Variants in SLC24A4 observed in about 807,000 individuals in gnomAD.
The protein encoded by SLC24A4 is solute carrier family 24 member 4, also known as sodium/potassium/calcium exchanger 4.
SLC24A4 carries 53 observed loss-of-function variants against 79.0 expected under a neutral mutation model. That is an observed-to-expected ratio of 0.67 (90% confidence interval 0.54 to 0.84). The LOEUF is 0.84. Among genes scored for constraint, SLC24A4 ranks in the 40% least tolerant of loss-of-function variants. The probability of loss-of-function intolerance (pLI) is 0.00; values close to 1 mark genes in which losing one functional copy is unlikely to be tolerated. For synonymous variants in SLC24A4, 323 were observed against 323.8 expected, an observed-to-expected ratio of 1.00 and a Z score of 0.03; for missense variants, 731 against 822.0, an observed-to-expected ratio of 0.89 and a Z score of 1.35.
At chr14:92,484,153 C>A (rs1243490934) in intron 13 of SLC24A4, 3 of 985,162 alleles carry the variant, frequency 3.0e-6, no homozygotes, top group African/African-American at 1.7e-5. Flanking sequence ...TCTCTTCCCT[C>A]CCCCCAACCC....
rs568456721 is a variant in SLC24A4 at position 92,470,572 on chromosome 14, AGAAATCTGAGAGCTTAGTGAAAGGAAT to A, written c.1256-12105_1256-12079del. ...AAATTGTAATTTTCTACTTCAAAAG[AGAAATCTGAGAGCTTAGTGAAAGGAAT>A]GACGGCAGCCCTCCGTTCTCTTGTT... On this transcript the variant is annotated intron_variant, in intron 12 of 16. Coordinates refer to ENST00000532405, the MANE Select transcript of SLC24A4 (RefSeq NM_153646.4). Among the ~76,000 whole-genome samples, 1,332 of 152,268 alleles carry A rather than the reference AGAAATCTGAGAGCTTAGTGAAAGGAAT, an allele frequency of 8.7e-3. 13 individuals are homozygous for A. The highest frequency in any genetic ancestry group is 9.2e-3 in the Non-Finnish European group (628 of 68,036).
intron 12 of SLC24A4, among the ~76,000 whole-genome samples, chr14:92,478,968 G>A (rs1002330407): frequency 4.6e-5 from 7 of 151,954 alleles, no homozygotes; most frequent in South Asian, 4.2e-4. Context: ...CATTGTACAT[G>A]GAATTGTTTT....
intron 12 of SLC24A4, among the ~76,000 whole-genome samples, chr14:92,479,548 A>G (rs569459282): frequency 2.6e-5 from 4 of 152,356 alleles, no homozygotes; most frequent in African/African-American, 9.6e-5. Context: ...CATTCCTGGG[A>G]TAAATCCCAC....
At chr14:92,492,666 C>T (rs905122009) in intron 16 of SLC24A4, among the ~76,000 whole-genome samples, 7 of 152,106 alleles carry the variant, frequency 4.6e-5, no homozygotes, top group African/African-American at 1.7e-4. Flanking sequence ...TTTATTCTAT[C>T]CTTACAACCA....
At chr14:92,474,823 A>AGTGTGTGTG (rs1555374561) in intron 12 of SLC24A4, among the ~76,000 whole-genome samples, 9 of 8,886 alleles carry the variant, frequency 1.0e-3, no homozygotes, top group Non-Finnish European at 3.9e-3. Context: ...ATATATATAC[A>AGTGTGTGTG]TATATATGTG....
chr14:92,366,661 G>A (rs190794653), intron 2 of SLC24A4, among the ~76,000 whole-genome samples: 1 of 152,302 alleles, frequency 6.6e-6, no homozygotes, highest in East Asian at 1.9e-4. Context: ...AATGGGGCCA[G>A]AACCACTTTG....
chr14:92,488,268 C>T (rs528514021), intron 14 of SLC24A4, among the ~76,000 whole-genome samples: 175 of 152,182 alleles, frequency 1.1e-3, no homozygotes, highest in Non-Finnish European at 2.1e-3. Flanking sequence ...GACAAGGTTT[C>T]ACCATGTTGG....
At chr14:92,364,011 G>C (rs1291563467) in intron 2 of SLC24A4, among the ~76,000 whole-genome samples, 1 of 152,088 alleles carries the variant, frequency 6.6e-6, no homozygotes, top group African/African-American at 2.4e-5. Context: ...CATCTCGTCT[G>C]TCCTGGTATC....
chr14:92,361,919 A>ATCTCG (rs1887554066), intron 2 of SLC24A4, among the ~76,000 whole-genome samples: 1 of 152,134 alleles, frequency 6.6e-6, no homozygotes, highest in Non-Finnish European at 1.5e-5. Context: ...ATGGCATCTC[A>ATCTCG]AAGGGGAGGC....
chr14:92,436,705 A>G (rs1162818668), intron 3 of SLC24A4, among the ~76,000 whole-genome samples: 3 of 152,200 alleles, frequency 2.0e-5, no homozygotes, highest in Non-Finnish European at 2.9e-5. Context: ...TCCGTGACCC[A>G]GGAGATGGAA....
At chr14:92,362,498 C>T (rs144226554) in intron 2 of SLC24A4, among the ~76,000 whole-genome samples, 207 of 152,288 alleles carry the variant, frequency 1.4e-3, no homozygotes, top group Middle Eastern at 6.8e-3. Flanking sequence ...TGAACTGAAC[C>T]CTGAGATTCA....
chr14:92,323,801 C>T lies in SLC24A4; in HGVS notation c.-30C>T. ...TCTGGCCGCTGAAGCTCCCCATCCTCTCCCAGAGACGGCACCCAGGCGCTC... is the reference window on the plus strand; with the variant it reads ...TCTGGCCGCTGAAGCTCCCCATCCTTTCCCAGAGACGGCACCCAGGCGCTC... On this transcript the variant is annotated 5_prime_UTR_variant, in exon 1 of 17. Coordinates refer to ENST00000532405, the MANE Select transcript of SLC24A4 (RefSeq NM_153646.4). The surrounding 1 kb of genome is among the most constrained non-coding windows in gnomAD (Gnocchi z 4.9). The T allele has an allele frequency of 1.3e-6, 2 of 1,543,218 alleles. No individual in the cohort carries two copies. The highest frequency in any genetic ancestry group is 1.7e-6 in the Non-Finnish European group (2 of 1,150,912).
chr14:92,374,672 G>A (rs917445409), intron 2 of SLC24A4, among the ~76,000 whole-genome samples: 5 of 152,132 alleles, frequency 3.3e-5, no homozygotes, highest in East Asian at 1.9e-4. Context: ...ATGATGCTCC[G>A]CATTGGAGAT....
At chr14:92,394,670 A>G (rs987655926) in intron 2 of SLC24A4, among the ~76,000 whole-genome samples, 1 of 152,158 alleles carries the variant, frequency 6.6e-6, no homozygotes, top group Non-Finnish European at 1.5e-5. Context: ...CTTACATAAA[A>G]TTTTGTCCAA....
chr14:92,324,770 A>T (rs955627070), intron 1 of SLC24A4, among the ~76,000 whole-genome samples: 2 of 152,064 alleles, frequency 1.3e-5, no homozygotes, highest in African/African-American at 2.4e-5. Flanking sequence ...TTATTTTTTT[A>T]AATGTAAAAA....
intron 2 of SLC24A4, among the ~76,000 whole-genome samples, chr14:92,405,479 T>TATA (rs1890324306): frequency 1.3e-5 from 2 of 151,988 alleles, no homozygotes; most frequent in Non-Finnish European, 2.9e-5. Context: ...GTTTGCAGGG[T>TATA]GTATTAGTCT....
rs2139814193 is a variant in SLC24A4, at chr14:92,443,351, C to T, written c.583-49C>T. On this transcript the variant is annotated intron_variant, in intron 6 of 16. Coordinates refer to ENST00000532405, the MANE Select transcript of SLC24A4 (RefSeq NM_153646.4). ...GAGGAGGCCTGGGCAGCTGCACCCCCTCCCCGCTTCTGCGCTCATAGCAGC... is the reference window on the plus strand; with the variant it reads ...GAGGAGGCCTGGGCAGCTGCACCCCTTCCCCGCTTCTGCGCTCATAGCAGC... The T allele has an allele frequency of 3.1e-6, 5 of 1,593,232 alleles. No homozygotes were observed. In the South Asian group the frequency reaches 5.5e-5, roughly 18 times the overall value.
chr14:92,486,458 T>TTCCTTCCA (rs1895361971), intron 13 of SLC24A4, among the ~76,000 whole-genome samples: 1 of 152,204 alleles, frequency 6.6e-6, no homozygotes, highest in Admixed American at 6.5e-5. Context: ...ACTCAAGACC[T>TTCCTTCCA]TCCTTCCATC....
chr14:92,376,675 C>G (rs1888521396), intron 2 of SLC24A4, among the ~76,000 whole-genome samples: 1 of 152,248 alleles, frequency 6.6e-6, no homozygotes, highest in South Asian at 2.1e-4. Flanking sequence ...ATTATCCTCC[C>G]AGCTCCAAGG....
Sources: allele counts gnomAD v4.1 joint callset (sites outside exome capture counted in the v4.1 genomes callset), GRCh38; gene constraint gnomAD v4.1.1; non-coding constraint Gnocchi (gnomAD v3.1); transcripts MANE v1.5; gene names NCBI Gene and HGNC (gene_info 2026-07-23, HGNC 2026-07-21).